FRMD4B: variants seen among roughly 807,000 people sequenced by gnomAD.
FRMD4B encodes FERM domain containing 4B.
Under a neutral mutation model 141.5 loss-of-function variants are expected in FRMD4B, and 74 were observed. The observed-to-expected ratio is 0.52, with a 90% CI of 0.43 to 0.63. The LOEUF is 0.63. FRMD4B is among the 30% of genes least tolerant of loss of function. FRMD4B has a pLI of 0.00. For synonymous variants in FRMD4B, 506 were observed against 467.9 expected (o/e 1.08, Z -1.05); for missense variants, 1,366 against 1,253.4 (o/e 1.09, Z -1.36).
chr3:69,470,292 G>A (rs1334735704), intron 1 of FRMD4B, among the ~76,000 whole-genome samples: 5 of 152,134 alleles, frequency 3.3e-5, no homozygotes, highest in South Asian at 2.1e-4. Context: ...TACTCATGAT[G>A]AGTTTGGAAG....
intron 2 of FRMD4B, among the ~76,000 whole-genome samples, chr3:69,398,290 A>C (rs965586893): frequency 6.6e-6 from 1 of 152,144 alleles, no homozygotes; most frequent in Non-Finnish European, 1.5e-5. Context: ...ACACATAATA[A>C]TTACATATTT....
At chr3:69,368,809 C>T (rs1337192706) in intron 1 of FRMD4B, among the ~76,000 whole-genome samples, 1 of 152,282 alleles carries the variant, frequency 6.6e-6, no homozygotes, top group Non-Finnish European at 1.5e-5. Flanking sequence ...AGGTACACAC[C>T]ACCATATCTG....
chr3:69,420,747 G>A (rs185934887), intron 2 of FRMD4B, among the ~76,000 whole-genome samples: 162 of 152,222 alleles, frequency 1.1e-3, no homozygotes, highest in Non-Finnish European at 1.7e-3. Context: ...ATTTAAGTGG[G>A]TAGTCTACTT....
At chr3:69,365,506 T>TTTTGTTTTG (rs1159194213) in intron 1 of FRMD4B, among the ~76,000 whole-genome samples, 3 of 138,808 alleles carry the variant, frequency 2.2e-5, no homozygotes, top group Non-Finnish European at 3.0e-5. Context: ...ACAACCTTTG[T>TTTTGTTTTG]TTTTTTTCTT....
intron 1 of FRMD4B, among the ~76,000 whole-genome samples, chr3:69,514,480 A>G (rs1215429221): frequency 1.3e-5 from 2 of 152,114 alleles, no homozygotes; most frequent in African/African-American, 4.8e-5. Flanking sequence ...ACTTGAGGTC[A>G]AGATTTCAAG....
At chr3:69,385,706 C>T (rs1375183169) in intron 1 of FRMD4B, 122 bp downstream of exon 1, 35 of 835,766 alleles carry the variant, frequency 4.2e-5, no homozygotes, top group Middle Eastern at 3.9e-4. Context: ...GACCCAAGGG[C>T]CAAGCAGTCT....
chr3:69,410,726 A>AATATATATATATATATAT (rs767608068), intron 2 of FRMD4B, among the ~76,000 whole-genome samples: 1 of 86,310 alleles, frequency 1.2e-5, no homozygotes, highest in South Asian at 3.8e-4. Context: ...TAAATAAATA[A>AATATATATATATATATAT]ATATATATAT....
rs746666830 is a variant in FRMD4B at position 69,195,374 on chromosome 3, G to A, written c.1235-10C>T. ...TCTGAGTCTTGAGAACCTAGGGGAT[G>A]AGGGAAGGGCAGGGAAGGTTTATAC... On this transcript the variant is annotated splice_polypyrimidine_tract_variant and intron_variant, in intron 14 of 22. Transcript: ENST00000398540. 21 of 1,605,212 alleles carry A rather than the reference G, an allele frequency of 1.3e-5. No homozygotes were observed. The highest frequency in any genetic ancestry group is 1.5e-5 in the Non-Finnish European group (18 of 1,176,954).
chr3:69,238,991 A>C (rs926360040), intron 7 of FRMD4B, among the ~76,000 whole-genome samples: 6 of 152,210 alleles, frequency 3.9e-5, no homozygotes, highest in African/African-American at 1.2e-4. Flanking sequence ...CTCGTTGTTC[A>C]TCTGAAATTC....
intron 1 of FRMD4B, among the ~76,000 whole-genome samples, chr3:69,478,296 T>C (rs1165583138): frequency 6.6e-6 from 1 of 152,232 alleles, no homozygotes; most frequent in African/African-American, 2.4e-5. Context: ...ATTGTGATGT[T>C]AGAGTGTCAA....
At chr3:69,187,452 T>C (rs776888158) in intron 19 of FRMD4B, among the ~76,000 whole-genome samples, 10 of 150,650 alleles carry the variant, frequency 6.6e-5, no homozygotes, top group Non-Finnish European at 1.2e-4. Context: ...GGCAGGAGAA[T>C]TGCTTGAACC....
intron 7 of FRMD4B, among the ~76,000 whole-genome samples, chr3:69,238,907 A>G (rs1478366358): frequency 6.6e-6 from 1 of 152,194 alleles, no homozygotes; most frequent in African/African-American, 2.4e-5. Context: ...TACTATTGAG[A>G]AGAATCCTAA....
In FRMD4B at chr3:69,385,910, G is replaced by A. The variant is rs753226368; in HGVS notation, c.80C>T (p.Thr27Met). The A allele has an allele frequency of 4.4e-6, 7 of 1,604,630 alleles. No individual in the cohort carries two copies. The highest frequency in any genetic ancestry group is 3.4e-5 in the Admixed American group (2 of 58,864). Residue 27 changes from threonine (T) to methionine (M), a missense_variant, in exon 1 of 23, where the codon ACG (threonine) becomes ATG (methionine). Thr to Met is a moderately conservative substitution (Grantham distance 81). Transcript: ENST00000398540. ...CCTCTCCGTGTACCATCTCCGCAGC[G>A]TGGACACGGTCAAGTTCCATACGAA... ...SRFVWNLTVS[T>M]LRRWYTERLR... is the part of the protein sequence containing the mutation.
At chr3:69,321,631 C>A (rs570592879) in intron 1 of FRMD4B, among the ~76,000 whole-genome samples, 1 of 152,302 alleles carries the variant, frequency 6.6e-6, no homozygotes, top group South Asian at 2.1e-4. Context: ...CACGGTGAGA[C>A]CGTGGTATAT....
chr3:69,344,093 C>T (rs1435580552), intron 1 of FRMD4B, among the ~76,000 whole-genome samples: 2 of 152,160 alleles, frequency 1.3e-5, no homozygotes, highest in East Asian at 3.8e-4. Context: ...AATCCAAGGG[C>T]CAGTGTCAAA....
At chr3:69,507,702 C>T (rs925557933) in intron 1 of FRMD4B, among the ~76,000 whole-genome samples, 2 of 152,062 alleles carry the variant, frequency 1.3e-5, no homozygotes, top group Non-Finnish European at 2.9e-5. Flanking sequence ...GGCATCATAA[C>T]ATAATATGAT....
intron 1 of FRMD4B, among the ~76,000 whole-genome samples, chr3:69,343,477 A>G (rs538099629): frequency 1.3e-5 from 2 of 151,824 alleles, no homozygotes; most frequent in African/African-American, 2.4e-5. Flanking sequence ...ACATTATTCA[A>G]TTCCTACCTG....
chr3:69,256,150 T>C (rs531375197), intron 5 of FRMD4B, among the ~76,000 whole-genome samples: 1 of 152,176 alleles, frequency 6.6e-6, no homozygotes, highest in African/African-American at 2.4e-5. Context: ...TCTAGGATGC[T>C]CTCACTTTGG....
chr3:69,352,999 A>C (rs1402790392), intron 1 of FRMD4B, among the ~76,000 whole-genome samples: 1 of 152,090 alleles, frequency 6.6e-6, no homozygotes, highest in Non-Finnish European at 1.5e-5. Flanking sequence ...AACAATTATA[A>C]ATCAAAAAGC....
Sources: gnomAD v4.1 joint callset for allele counts (sites outside exome capture counted in the v4.1 genomes callset) on GRCh38, gnomAD v4.1.1 for gene constraint, MANE v1.5 for transcripts, NCBI Gene and HGNC (gene_info 2026-07-23, HGNC 2026-07-21) for gene names.